SYNE2: variants seen among roughly 807,000 people sequenced by gnomAD.
The protein encoded by SYNE2 is spectrin repeat containing nuclear envelope protein 2.
SYNE2 carries 431 observed loss-of-function variants against 856.3 expected under a neutral mutation model. That is an observed-to-expected ratio of 0.50 (90% CI 0.47 to 0.55). The LOEUF is 0.55. SYNE2 is among the 20% of genes least tolerant of loss of function. The pLI is 0.00. For synonymous variants in SYNE2, 2,923 were observed against 2,872.3 expected, an observed-to-expected ratio of 1.02 and a Z score of -0.56; for missense variants, 8,129 against 8,023.2, an observed-to-expected ratio of 1.01 and a Z score of -0.50.
intron 1 of SYNE2, among the ~76,000 whole-genome samples, chr14:63,814,408 CAT>C (rs1243388713): frequency 2.8e-5 from 4 of 144,998 alleles, no homozygotes; most frequent in Admixed American, 7.0e-5. Context: ...TAAACATATC[CAT>C]ATATATAATA....
At chr14:64,125,231 G>C (rs779302366) in intron 71 of SYNE2, 21 bp downstream of exon 71, 51 of 1,613,690 alleles carry the variant, frequency 3.2e-5, no homozygotes, top group African/African-American at 4.0e-5. Context: ...CACACAATGT[G>C]TTTTCCTCAT....
At chr14:63,817,738 G>A (rs980941877) in intron 1 of SYNE2, among the ~76,000 whole-genome samples, 2 of 152,010 alleles carry the variant, frequency 1.3e-5, no homozygotes, top group African/African-American at 4.8e-5. Flanking sequence ...TAAAACAAAT[G>A]TCAGGCCAGG....
chr14:63,763,379 C>A (rs1157223341), intron 1 of SYNE2, among the ~76,000 whole-genome samples: 1 of 152,022 alleles, frequency 6.6e-6, no homozygotes, highest in Middle Eastern at 3.2e-3. Flanking sequence ...ACTCCTGAAT[C>A]ATTTATACTT....
intron 51 of SYNE2, among the ~76,000 whole-genome samples, chr14:64,069,795 G>A (rs1295799987): frequency 1.3e-5 from 2 of 152,202 alleles, no homozygotes; most frequent in African/African-American, 2.4e-5. Context: ...TGGCATGTCT[G>A]ACTGGACATT....
intron 1 of SYNE2, among the ~76,000 whole-genome samples, chr14:63,875,963 G>A (rs117880065): frequency 0.012 from 1,782 of 152,194 alleles, 21 homozygotes; most frequent in Non-Finnish European, 0.018. Context: ...GTTGCAAGGG[G>A]TGCATCTTAA....
At chr14:63,777,998 A>G (rs1462857251) in intron 1 of SYNE2, among the ~76,000 whole-genome samples, 1 of 152,074 alleles carries the variant, frequency 6.6e-6, no homozygotes, top group African/African-American at 2.4e-5. Context: ...CTAACTACAC[A>G]TGAAAAAACA....
At chr14:63,876,511 C>A (rs7149766) in intron 1 of SYNE2, among the ~76,000 whole-genome samples, 1 of 149,772 alleles carries the variant, frequency 6.7e-6, no homozygotes, top group African/African-American at 2.5e-5. Flanking sequence ...TTTTTGAGAC[C>A]GAGTCTCGCT....
At chr14:63,864,012 G>A (rs980896523) in intron 1 of SYNE2, among the ~76,000 whole-genome samples, 2 of 152,128 alleles carry the variant, frequency 1.3e-5, no homozygotes, top group South Asian at 2.1e-4. Flanking sequence ...TCGTAGAAAC[G>A]GGGTTAGCCA....
At chr14:63,934,090 G>T (rs1451496149) in intron 2 of SYNE2, among the ~76,000 whole-genome samples, 1 of 152,194 alleles carries the variant, frequency 6.6e-6, no homozygotes, top group Admixed American at 6.5e-5. Context: ...ATTAAGCAAA[G>T]GTTCTTTATT....
At chr14:63,990,791 T>A in intron 20 of SYNE2, 151 bp from the exon 21 acceptor site, 1 of 767,936 alleles carries the variant, frequency 1.3e-6, no homozygotes, top group Non-Finnish European at 2.2e-6. Context: ...TATCTAAATT[T>A]AGATAGATTT....
chr14:63,908,066 T>C (rs979769410), intron 1 of SYNE2, among the ~76,000 whole-genome samples: 2 of 152,162 alleles, frequency 1.3e-5, no homozygotes, highest in Non-Finnish European at 2.9e-5. Context: ...TCTTATTCTT[T>C]GTATTTTTTG....
rs17101718 is a variant in SYNE2, at chr14:64,215,676, A to C, written c.19402+322A>C. The stretch of plus-strand genomic sequence containing the variant: ...CTTTGGCATGGGCCAAGCTTTCTTC[A>C]TGGTGGCTTGGTTTGGAACTGTTTC... On this transcript the variant is annotated intron_variant, in intron 107 of 115. Transcript: ENST00000555002. 11,442 of 382,818 alleles carry C rather than the reference A, an allele frequency of 0.03. 407 individuals carry two copies. Among genetic ancestry groups the C allele is most frequent in the African/African-American group, 0.12 (5,511 of 47,674 alleles). 23.7% of individuals were successfully genotyped at this position (382,818 alleles called of 1,614,324 possible).
intron 1 of SYNE2, among the ~76,000 whole-genome samples, chr14:63,783,241 C>G (rs1385009100): frequency 6.6e-6 from 1 of 152,158 alleles, no homozygotes; most frequent in Non-Finnish European, 1.5e-5. Flanking sequence ...CGCTAATTCT[C>G]CTTTTTGCGG....
rs377305355 is a variant in SYNE2, at chr14:64,210,023, C to T, written c.18622C>T (p.Arg6208Cys). 139 of 1,613,992 alleles carry T rather than the reference C, an allele frequency of 8.6e-5. No individual in the cohort carries two copies. Among genetic ancestry groups the T allele is most frequent in the Admixed American group, 1.7e-4 (10 of 59,998 alleles). ...KQYRRLAREN[R>C]TDTASRLKQM... ...GTACCGGCGGCTGGCCCGGGAGAAC[C>T]GCACAGACACGGCCAGCAGGCTGAA... Residue 6208 changes from arginine (R) to cysteine (C), a missense_variant, in exon 103 of 116, where the codon CGC becomes TGC. Physicochemically the swap from Arg to Cys is radical, Grantham distance 180 (BLOSUM62 -3). Coordinates refer to ENST00000555002, the MANE Select transcript of SYNE2 (RefSeq NM_182914.3).
chr14:64,046,278 G>A (rs375624659), intron 45 of SYNE2, among the ~76,000 whole-genome samples: 17 of 152,260 alleles, frequency 1.1e-4, no homozygotes, highest in South Asian at 2.1e-4. Flanking sequence ...AAATTACCTC[G>A]TATATAACTT....
intron 1 of SYNE2, among the ~76,000 whole-genome samples, chr14:63,891,228 G>GA (rs1164036737): frequency 6.6e-6 from 1 of 151,622 alleles, no homozygotes; most frequent in Non-Finnish European, 1.5e-5. Flanking sequence ...AGATTAACAA[G>GA]AAAAAAAACA....
chr14:64,188,792 A>G (rs781346444), intron 98 of SYNE2, 84 bp downstream of exon 98: 11 of 1,400,622 alleles, frequency 7.9e-6, no homozygotes, highest in African/African-American at 4.2e-5. Flanking sequence ...AACAGGGGCA[A>G]TGTTACGGGT....
At chr14:63,839,108 C>A (rs1278926364) in intron 1 of SYNE2, among the ~76,000 whole-genome samples, 1 of 152,034 alleles carries the variant, frequency 6.6e-6, no homozygotes, top group East Asian at 1.9e-4. Context: ...TGGCTCACTG[C>A]AACCTCCAAC....
chr14:64,127,705 T>C (rs939663997), intron 73 of SYNE2, among the ~76,000 whole-genome samples: 1 of 152,130 alleles, frequency 6.6e-6, no homozygotes, highest in African/African-American at 2.4e-5. Flanking sequence ...GCTACTAAAA[T>C]TATCTAATGA....
Sources: gnomAD v4.1 joint callset for allele counts (sites outside exome capture counted in the v4.1 genomes callset) on GRCh38, gnomAD v4.1.1 for gene constraint, MANE v1.5 for transcripts, NCBI Gene and HGNC (gene_info 2026-07-23, HGNC 2026-07-21) for gene names.